The following FAM161A variants were observed in gnomAD, a reference collection of about 807,000 sequenced individuals.
The protein encoded by FAM161A is protein FAM161A.
In FAM161A, 57 loss-of-function variants were observed where a neutral mutation model predicts 70.9. The ratio of observed to expected loss-of-function variants is 0.80; its 90% confidence interval spans 0.65 to 1.00. The LOEUF (loss-of-function observed/expected upper bound fraction) is 1.00. FAM161A is among the 50% of genes least tolerant of loss of function. The pLI, the probability that FAM161A is intolerant of heterozygous loss-of-function variation, is 0.00. For missense variants in FAM161A, 880 were observed against 836.0 expected (o/e 1.05, Z -0.65); for synonymous variants, 299 against 295.7 (o/e 1.01, Z -0.12).
At chr2:61,816,678 C>T in the FAM161A span, among the ~76,000 whole-genome samples, 1 of 152,010 alleles carries the variant, frequency 6.6e-6, no homozygotes, top group Admixed American at 6.6e-5. Flanking sequence ...GCTATGTTGC[C>T]CAGGCTGGTC....
At chr2:61,827,050 T>C in intron 6 of FAM161A, 54 bp downstream of exon 6, 1 of 1,566,920 alleles carries the variant, frequency 6.4e-7, no homozygotes. Flanking sequence ...TGTGCTTTTC[T>C]GCAGGTAATA....
At chr2:61,836,982 T>C (rs1042565704) in intron 4 of FAM161A, 2 of 155,428 alleles carry the variant, frequency 1.3e-5, no homozygotes, top group African/African-American at 2.4e-5. Context: ...CCTCCCACCT[T>C]AGCTCTCGAG....
At chr2:61,845,727 T>C (rs1018081911) in intron 1 of FAM161A, among the ~76,000 whole-genome samples, 7 of 151,618 alleles carry the variant, frequency 4.6e-5, no homozygotes, top group African/African-American at 1.7e-4. Context: ...CCCAGGAGGT[T>C]GAGGCTGCAG....
chr2:61,831,768 C>T lies in FAM161A; in HGVS notation c.1851+4242G>A, dbSNP rs141410080. Among the ~76,000 whole-genome samples the T allele has an allele frequency of 6.6e-5, 10 of 152,256 alleles. 1 individual carries two copies. The highest frequency in any genetic ancestry group is 4.1e-4 in the South Asian group (2 of 4,824). ...AGTGCTTAGTGGAGTGCTTGTCTTTCAGCAACCTCTCAAAAAACATTATAA... is the reference window on the plus strand; with the variant it reads ...AGTGCTTAGTGGAGTGCTTGTCTTTTAGCAACCTCTCAAAAAACATTATAA... On this transcript the variant is annotated intron_variant, in intron 5 of 6. Coordinates refer to ENST00000404929, the MANE Select transcript of FAM161A (RefSeq NM_001201543.2).
At chr2:61,839,206 CTA>C (rs1672899811) in intron 3 of FAM161A, among the ~76,000 whole-genome samples, 1 of 151,942 alleles carries the variant, frequency 6.6e-6, no homozygotes, top group South Asian at 2.1e-4. Flanking sequence ...AATCTTAAGA[CTA>C]TTATTTTCTA....
intron 5 of FAM161A, 119 bp downstream of exon 5, chr2:61,835,891 A>C: frequency 1.3e-6 from 1 of 779,976 alleles, no homozygotes; most frequent in Non-Finnish European, 2.2e-6. Flanking sequence ...CACAAACAAC[A>C]ATAATGTATC....
At chr2:61,850,377 CAA>C (rs1673456568) in intron 1 of FAM161A, among the ~76,000 whole-genome samples, 1 of 151,758 alleles carries the variant, frequency 6.6e-6, no homozygotes, top group South Asian at 2.1e-4. Flanking sequence ...GCCTGGGCAA[CAA>C]GAGTAAAACT....
At chr2:61,847,130 C>G (rs1017998317) in intron 1 of FAM161A, 1 of 281,986 alleles carries the variant, frequency 3.5e-6, no homozygotes, top group Non-Finnish European at 7.0e-6. Context: ...CCACTGCACT[C>G]TAGCCTGGGT....
chr2:61,820,544 C>G, downstream of FAM161A: 1 of 744,116 alleles, frequency 1.3e-6, no homozygotes, highest in Non-Finnish European at 2.5e-6. Context: ...AAAGAAGACA[C>G]TGAAGAACAT....
the FAM161A span, among the ~76,000 whole-genome samples, chr2:61,800,688 C>T: frequency 9.8e-4 from 149 of 151,888 alleles, no homozygotes; most frequent in Middle Eastern, 3.4e-3. Flanking sequence ...AGACTGTGCC[C>T]GAATAAAATT....
At chr2:61,850,282 G>A (rs1673452176) in intron 1 of FAM161A, among the ~76,000 whole-genome samples, 2 of 152,078 alleles carry the variant, frequency 1.3e-5, no homozygotes, top group Non-Finnish European at 2.9e-5. Flanking sequence ...TGTAATCCCA[G>A]CTACTTGGGA....
chr2:61,837,617 A>G (rs1672822608), intron 4 of FAM161A, among the ~76,000 whole-genome samples: 1 of 152,250 alleles, frequency 6.6e-6, no homozygotes, highest in Middle Eastern at 3.4e-3. Context: ...AAAAATACAA[A>G]AATTAGCTAG....
chr2:61,805,493 G>A, the FAM161A span, among the ~76,000 whole-genome samples: 1 of 152,162 alleles, frequency 6.6e-6, no homozygotes, highest in Non-Finnish European at 1.5e-5. Flanking sequence ...TCCAGCCTGG[G>A]CAGCAGACCA....
At chr2:61,850,372 G>C (rs572436744) in intron 1 of FAM161A, among the ~76,000 whole-genome samples, 1 of 152,188 alleles carries the variant, frequency 6.6e-6, no homozygotes, top group Admixed American at 6.5e-5. Context: ...CTCCAGCCTG[G>C]GCAACAAGAG....
At chr2:61,821,577 G>A (rs534944281), downstream of FAM161A, among the ~76,000 whole-genome samples, 1 of 151,788 alleles carries the variant, frequency 6.6e-6, no homozygotes, top group Non-Finnish European at 1.5e-5. Flanking sequence ...TATATTAGTT[G>A]TAAAATAGAA....
the FAM161A span, among the ~76,000 whole-genome samples, chr2:61,810,332 T>C: frequency 3.9e-5 from 6 of 151,934 alleles, no homozygotes; most frequent in Admixed American, 3.9e-4. Flanking sequence ...AAGAGTCCTG[T>C]AGAAGCCATC....
chr2:61,807,632 G>GCT, the FAM161A span, among the ~76,000 whole-genome samples: 1 of 125,566 alleles, frequency 8.0e-6, no homozygotes, highest in South Asian at 2.4e-4. Context: ...CTGGACTCCA[G>GCT]ATTTTTTTTT....
chr2:61,827,149 T>A lies in FAM161A; in HGVS notation c.1961A>T (p.Tyr654Phe). ...ACTTTTCGTCTCTTGATTGTTGAAG[T>A]ACTCAAGTACTTTTCCACTTTGGCC... ...KKGQSGKVLE[Y>F]FNNQETKSVT... is the part of the protein sequence containing the mutation. Residue 654 changes from tyrosine to phenylalanine, a missense_variant, in exon 6 of 7, where the codon TAC (tyrosine) becomes TTC (phenylalanine). Physicochemically the swap from Tyr to Phe is conservative, Grantham distance 22. Coordinates refer to ENST00000404929, the MANE Select transcript of FAM161A (RefSeq NM_001201543.2). 1 of 1,614,016 alleles carries A rather than the reference T, an allele frequency of 6.2e-7. No individual in the cohort carries two copies. Among genetic ancestry groups the A allele is most frequent in the Non-Finnish European group, 8.5e-7 (1 of 1,179,984 alleles).
At chr2:61,849,924 C>T (rs889313805) in intron 1 of FAM161A, among the ~76,000 whole-genome samples, 90 of 145,522 alleles carry the variant, frequency 6.2e-4, no homozygotes, top group African/African-American at 2.2e-3. Flanking sequence ...TGAGTACACA[C>T]GAACATAAAC....
Sources: gnomAD v4.1 joint callset for allele counts (sites outside exome capture counted in the v4.1 genomes callset) on GRCh38, gnomAD v4.1.1 for gene constraint, MANE v1.5 for transcripts, NCBI Gene and HGNC (gene_info 2026-07-23, HGNC 2026-07-21) for gene names.